POU6F2: variants seen among roughly 807,000 people sequenced by gnomAD.
POU6F2 encodes the protein POU domain, class 6, transcription factor 2.
Under a neutral mutation model 71.3 loss-of-function variants are expected in POU6F2, and 31 were observed. The ratio of observed to expected loss-of-function variants is 0.43; its 90% CI spans 0.33 to 0.59. The LOEUF (loss-of-function observed/expected upper bound fraction) is 0.59, where lower values mean the gene tolerates loss of function less well. POU6F2 is among the 20% of genes least tolerant of loss of function. POU6F2 has a pLI of 0.04. For missense variants in POU6F2, 783 were observed against 856.8 expected (o/e 0.91, Z 1.07); for synonymous variants, 347 against 355.7 (o/e 0.98, Z 0.27).
chr7:39,207,448 C>T lies in POU6F2; in HGVS notation c.426C>T (p.Gly142=). 1 of 1,613,828 alleles carries T rather than the reference C, an allele frequency of 6.2e-7. No individual in the cohort carries two copies. Among genetic ancestry groups the T allele is most frequent in the East Asian group, 2.2e-5 (1 of 44,858 alleles). The change falls in exon 4 of 10, where the codon GGC becomes GGT. Residue 142 remains glycine, a synonymous_variant. Transcript: ENST00000518318. The part of the protein sequence containing the change: ...ASAVAGVMPG[G]PPALNQPILI... ...CTGTGGCCGGCGTGATGCCGGGAGG[C>T]CCCCCAGCCCTCAACCAGCCAATCC...
At chr7:39,144,692 C>T (rs751699515) in intron 2 of POU6F2, among the ~76,000 whole-genome samples, 20 of 152,174 alleles carry the variant, frequency 1.3e-4, no homozygotes, top group African/African-American at 2.9e-4. Context: ...AGTACCTCCA[C>T]GGGAATCATC....
At chr7:39,006,791 C>A in intron 1 of POU6F2, 1 of 1,555,128 alleles carries the variant, frequency 6.4e-7, no homozygotes, top group Admixed American at 1.7e-5. Context: ...ACCCTGTTTG[C>A]TGTTTACTGT....
chr7:39,176,662 G>A (rs1793337182), intron 2 of POU6F2, among the ~76,000 whole-genome samples: 1 of 152,106 alleles, frequency 6.6e-6, no homozygotes, highest in African/African-American at 2.4e-5. Flanking sequence ...ATTCACAAAT[G>A]AGTATAGAAC....
rs1443804623 is a variant in POU6F2, at chr7:39,034,733, G to A, written c.106-51127G>A. ...CAAGAGTAGATTGCATTACAAATAGGTTGTTTATGATCATAATTGAGGTGA... is the reference window on the plus strand; with the variant it reads ...CAAGAGTAGATTGCATTACAAATAGATTGTTTATGATCATAATTGAGGTGA... On this transcript the variant is annotated intron_variant, in intron 1 of 9. Coordinates refer to ENST00000518318, the MANE Select transcript of POU6F2 (RefSeq NM_001370959.1). 3.9e-5 allele frequency among the ~76,000 whole-genome samples: 6 copies of A among 152,096 alleles called. No individual in the cohort carries two copies. In the East Asian group the frequency reaches 1.2e-3, roughly 29 times the overall value.
Position 39,020,349 on chromosome 7 carries a change from T to G in POU6F2, c.105+42291T>G, listed in dbSNP as rs1789655790. On this transcript the variant is annotated intron_variant, in intron 1 of 9. Coordinates refer to ENST00000518318, the MANE Select transcript of POU6F2 (RefSeq NM_001370959.1). The stretch of plus-strand genomic sequence containing the variant: ...CTTCAAGATATTGTTATACAATAAT[T>G]GTATCATTCATATTGTGTTCTCAGT... 3.3e-5 allele frequency among the ~76,000 whole-genome samples: 5 copies of G among 152,334 alleles called. No homozygotes were observed. The South Asian group carries it at 1.0e-3, about 32-fold the overall frequency.
intron 2 of POU6F2, among the ~76,000 whole-genome samples, chr7:39,164,146 T>TG (rs1242161707): frequency 4.6e-5 from 7 of 152,064 alleles, no homozygotes; most frequent in African/African-American, 1.7e-4. Flanking sequence ...TTATCTTGAA[T>TG]TAGCCATTCC....
intron 1 of POU6F2, among the ~76,000 whole-genome samples, chr7:39,004,751 TA>T (rs1391010931): frequency 6.6e-6 from 1 of 152,162 alleles, no homozygotes; most frequent in East Asian, 1.9e-4. Context: ...TTAACAGTAA[TA>T]AAAATATACT....
chr7:39,196,031 TG>T (rs996656726), intron 2 of POU6F2, among the ~76,000 whole-genome samples: 3 of 152,232 alleles, frequency 2.0e-5, no homozygotes, highest in African/African-American at 7.2e-5. Flanking sequence ...AATTCTTGAC[TG>T]TTTTACTATA....
chr7:39,333,615 A>G (rs1785703827), intron 4 of POU6F2, among the ~76,000 whole-genome samples: 1 of 152,106 alleles, frequency 6.6e-6, no homozygotes, highest in Non-Finnish European at 1.5e-5. Context: ...GCACGCGCCT[A>G]TAGTCCCAGC....
intron 4 of POU6F2, among the ~76,000 whole-genome samples, chr7:39,262,150 A>G (rs1275879518): frequency 3.3e-5 from 5 of 152,190 alleles, no homozygotes; most frequent in African/African-American, 9.7e-5. Flanking sequence ...TAAGCTTCAT[A>G]TATTACATCA....
intron 2 of POU6F2, among the ~76,000 whole-genome samples, chr7:39,187,962 C>T (rs994439404): frequency 6.6e-6 from 1 of 152,238 alleles, no homozygotes; most frequent in African/African-American, 2.4e-5. Context: ...TGTTAGAAGG[C>T]ATCCTCTGTG....
chr7:39,320,885 T>C (rs1435792480), intron 4 of POU6F2, among the ~76,000 whole-genome samples: 4 of 151,986 alleles, frequency 2.6e-5, no homozygotes, highest in Non-Finnish European at 5.9e-5. Flanking sequence ...TGAGACCCCA[T>C]CTCAACCAAA....
At chr7:39,199,387 C>G (rs1793849305) in intron 2 of POU6F2, among the ~76,000 whole-genome samples, 1 of 152,156 alleles carries the variant, frequency 6.6e-6, no homozygotes, top group Non-Finnish European at 1.5e-5. Context: ...AAAGAGGGAA[C>G]AATTCAAAAC....
At chr7:39,086,236 T>C (rs1242016623) in intron 2 of POU6F2, among the ~76,000 whole-genome samples, 2 of 152,138 alleles carry the variant, frequency 1.3e-5, no homozygotes, top group Admixed American at 1.3e-4. Context: ...AAGGAACTTA[T>C]TCGCTGCCCA....
intron 1 of POU6F2, chr7:39,005,286 T>C (rs1248777577): frequency 6.6e-6 from 1 of 152,246 alleles, no homozygotes; most frequent in Non-Finnish European, 1.5e-5. Flanking sequence ...GCTGATGTGT[T>C]GAAAACATTT....
chr7:39,328,906 C>T (rs1329721927), intron 4 of POU6F2: 1 of 152,232 alleles, frequency 6.6e-6, no homozygotes, highest in Non-Finnish European at 1.5e-5. Flanking sequence ...TTCTGTACTT[C>T]CCGTAATGAC....
intron 2 of POU6F2, among the ~76,000 whole-genome samples, chr7:39,159,265 T>G (rs41437948): frequency 0.015 from 2,280 of 152,320 alleles, 54 homozygotes; most frequent in African/African-American, 0.052. Context: ...TGTTCTTGTC[T>G]ATGTTCTATG....
chr7:39,459,298 G>T (rs1788884953), intron 8 of POU6F2, among the ~76,000 whole-genome samples: 1 of 152,180 alleles, frequency 6.6e-6, no homozygotes, highest in South Asian at 2.1e-4. Context: ...TGCTGATTCT[G>T]TTGACAGAGT....
At chr7:39,314,613 C>A (rs1304342286) in intron 4 of POU6F2, among the ~76,000 whole-genome samples, 2 of 152,154 alleles carry the variant, frequency 1.3e-5, no homozygotes, top group Non-Finnish European at 2.9e-5. Flanking sequence ...GTTTCTGAGT[C>A]CAGTTGGCAA....
Sources: gnomAD v4.1 joint callset for allele counts (sites outside exome capture counted in the v4.1 genomes callset) on GRCh38, gnomAD v4.1.1 for gene constraint, MANE v1.5 for transcripts, NCBI Gene and HGNC (gene_info 2026-07-23, HGNC 2026-07-21) for gene names.